PPP2R2C: variants seen among roughly 807,000 people sequenced by gnomAD.
The protein encoded by PPP2R2C is protein phosphatase 2 regulatory subunit Bgamma.
In PPP2R2C, 10 loss-of-function variants were observed where a neutral mutation model predicts 45.3. The observed-to-expected ratio is 0.22, with a 90% CI of 0.14 to 0.37. PPP2R2C has a LOEUF of 0.37. PPP2R2C is among the 10% of genes least tolerant of loss of function. The pLI is 1.00. For synonymous variants in PPP2R2C, 257 were observed against 245.4 expected, an observed-to-expected ratio of 1.05 and a Z score of -0.44; for missense variants, 308 against 619.7, an observed-to-expected ratio of 0.50 and a Z score of 5.34.
chr4:6,549,624 C>A (rs1162584988), intron 1 of PPP2R2C, among the ~76,000 whole-genome samples: 3 of 152,202 alleles, frequency 2.0e-5, no homozygotes, highest in Admixed American at 2.0e-4. Flanking sequence ...GTTTGCAGCC[C>A]TGAGAGCAGT....
At chr4:6,440,139 C>T (rs1324868166) in intron 1 of PPP2R2C, among the ~76,000 whole-genome samples, 17 of 152,198 alleles carry the variant, frequency 1.1e-4, no homozygotes, top group Admixed American at 1.0e-3. Flanking sequence ...CCACCTCTAT[C>T]TCCCTTCACA....
chr4:6,394,857 A>C (rs1045360241), intron 1 of PPP2R2C, among the ~76,000 whole-genome samples: 3 of 152,228 alleles, frequency 2.0e-5, no homozygotes, highest in African/African-American at 4.8e-5. Flanking sequence ...AGGTCCCATC[A>C]CATCAGCGTG....
At chr4:6,410,239 G>A (rs1470281558) in intron 1 of PPP2R2C, among the ~76,000 whole-genome samples, 1 of 152,226 alleles carries the variant, frequency 6.6e-6, no homozygotes, top group Non-Finnish European at 1.5e-5. Context: ...AGTAGTGGGA[G>A]CAGGCTGGGC....
Position 6,392,495 on chromosome 4 carries a change from C to A in PPP2R2C, c.71-11401G>T, listed in dbSNP as rs551447873. On this transcript the variant is annotated intron_variant, in intron 1 of 8. Coordinates refer to ENST00000382599, the MANE Select transcript of PPP2R2C (RefSeq NM_020416.4). ...GCCAGGGAAGACTTCCTGGGGGAGA[C>A]GCATTTGAGCAGAGACCTGAAGGAT... 6.6e-5 allele frequency among the ~76,000 whole-genome samples: 10 copies of A among 152,196 alleles called. No homozygotes were observed. The Middle Eastern group carries it at 0.017, about 259-fold the overall frequency.
intron 2 of PPP2R2C, chr4:6,535,166 G>A (rs766664772): frequency 4.8e-5 from 63 of 1,309,720 alleles, no homozygotes; most frequent in South Asian, 4.6e-4. Context: ...CGGTGGGGTC[G>A]GCTTCCCGCT....
chr4:6,375,308 C>T (rs1577122747), intron 4 of PPP2R2C, among the ~76,000 whole-genome samples: 2 of 152,202 alleles, frequency 1.3e-5, no homozygotes, highest in South Asian at 4.1e-4. Flanking sequence ...TCACTGGATG[C>T]TGGGCACGTG....
intron 6 of PPP2R2C, among the ~76,000 whole-genome samples, chr4:6,334,633 C>A (rs1236968493): frequency 6.6e-6 from 1 of 152,172 alleles, no homozygotes; most frequent in Non-Finnish European, 1.5e-5. Context: ...CAGGCACTAA[C>A]TCCCTAGGAC....
rs1043879347 is a variant in PPP2R2C, at chr4:6,324,293, A to G, written c.1053-700T>C. On this transcript the variant is annotated intron_variant, in intron 8 of 8. Transcript: ENST00000382599. This position sits in a 1 kb window ranked among gnomAD's most constrained non-coding sequence, Gnocchi z 4.1. The stretch of plus-strand genomic sequence containing the variant: ...CTAAAAATACAAAAATTAGCTGGAC[A>G]TGGTGGTGGGCACCTGTAATCCCAG... Among the ~76,000 whole-genome samples the G allele has an allele frequency of 5.9e-5, 9 of 152,106 alleles. No homozygotes were observed. The highest frequency in any genetic ancestry group is 1.9e-4 in the African/African-American group (8 of 41,426).
chr4:6,449,993 G>C (rs1720650570), intron 1 of PPP2R2C, among the ~76,000 whole-genome samples: 1 of 152,148 alleles, frequency 6.6e-6, no homozygotes, highest in Admixed American at 6.5e-5. Flanking sequence ...CATTTTTCTA[G>C]GATTCCCTCC....
intron 5 of PPP2R2C, among the ~76,000 whole-genome samples, chr4:6,357,297 G>T (rs946385721): frequency 6.6e-6 from 1 of 152,238 alleles, no homozygotes; most frequent in Non-Finnish European, 1.5e-5. Flanking sequence ...GGACCTGGCA[G>T]TTGTCTGGCT....
intron 2 of PPP2R2C, among the ~76,000 whole-genome samples, chr4:6,505,338 G>A (rs1723188305): frequency 6.6e-6 from 1 of 152,212 alleles, no homozygotes. Flanking sequence ...AGATTTTCAG[G>A]AAGCAATGAA....
intron 1 of PPP2R2C, among the ~76,000 whole-genome samples, chr4:6,403,864 GAAA>G (rs11286848): frequency 7.4e-6 from 1 of 135,884 alleles, no homozygotes. Flanking sequence ...CTCCGCCTCA[GAAA>G]AAAAAAAAAA....
intron 1 of PPP2R2C, among the ~76,000 whole-genome samples, chr4:6,386,267 CAT>C (rs1255041483): frequency 6.6e-6 from 1 of 152,218 alleles, no homozygotes; most frequent in Non-Finnish European, 1.5e-5. Flanking sequence ...CAGCCTGTGT[CAT>C]AGGGCTGCCA....
intron 1 of PPP2R2C, among the ~76,000 whole-genome samples, chr4:6,421,604 G>C (rs1210537829): frequency 1.3e-5 from 2 of 152,136 alleles, no homozygotes; most frequent in Non-Finnish European, 2.9e-5. Flanking sequence ...CTCACGGGCA[G>C]ATGGACCACA....
At chr4:6,350,422 A>C (rs1208320319) in intron 5 of PPP2R2C, 13 of 985,342 alleles carry the variant, frequency 1.3e-5, no homozygotes, top group Non-Finnish European at 1.6e-5. Flanking sequence ...GTAGAGAGGC[A>C]GGGCAGAGAG....
intron 4 of PPP2R2C, among the ~76,000 whole-genome samples, chr4:6,375,422 A>G (rs916033807): frequency 1.3e-5 from 2 of 152,088 alleles, no homozygotes; most frequent in African/African-American, 4.8e-5. Context: ...AGGAGCCACA[A>G]AGCTCTGCTG....
chr4:6,367,615 G>T (rs1228527894), intron 5 of PPP2R2C, among the ~76,000 whole-genome samples: 1 of 152,180 alleles, frequency 6.6e-6, no homozygotes, highest in East Asian at 1.9e-4. Flanking sequence ...TCCCATGTCA[G>T]AAATGAAACG....
chr4:6,455,994 G>A (rs1452270570), intron 1 of PPP2R2C, among the ~76,000 whole-genome samples: 2 of 152,034 alleles, frequency 1.3e-5, no homozygotes, highest in African/African-American at 4.8e-5. Context: ...ATCCTGGGGG[G>A]GGGGAGCTGC....
chr4:6,485,791 A>G (rs1722510558), intron 2 of PPP2R2C, among the ~76,000 whole-genome samples: 1 of 151,864 alleles, frequency 6.6e-6, no homozygotes, highest in East Asian at 1.9e-4. Flanking sequence ...AGGTTTATCG[A>G]TTTTACTGAT....
Sources: allele counts gnomAD v4.1 joint callset (sites outside exome capture counted in the v4.1 genomes callset), GRCh38; gene constraint gnomAD v4.1.1; non-coding constraint Gnocchi (gnomAD v3.1); transcripts MANE v1.5; gene names NCBI Gene and HGNC (gene_info 2026-07-23, HGNC 2026-07-21).